Variants in FAT4 observed in about 807,000 individuals in gnomAD.
FAT4 encodes FAT atypical cadherin 4.
A neutral mutation model predicts 303.9 loss-of-function variants in FAT4; 84 were observed. The ratio of observed to expected loss-of-function variants is 0.28; its 90% CI spans 0.23 to 0.33. FAT4 has a LOEUF of 0.33. Ranked by LOEUF, FAT4 falls within the 10% of genes least tolerant of loss-of-function variation. The probability of loss-of-function intolerance (pLI) is 1.00; values close to 1 mark genes in which losing one functional copy is unlikely to be tolerated. For synonymous variants in FAT4, 2,307 were observed against 2,298.8 expected, an observed-to-expected ratio of 1.00 and a Z score of -0.10; for missense variants, 6,005 against 6,146.8, an observed-to-expected ratio of 0.98 and a Z score of 0.77.
At position 125,370,528 on chromosome 4, in the gene FAT4, T is replaced by C. The variant is rs775249999; in HGVS notation, c.5176-28256T>C. On this transcript the variant is annotated intron_variant, in intron 2 of 17. Transcript: ENST00000394329. ...AGGAAGCACATACATATTCAGCCAT[T>C]TGAAAACAGTGTGTCTTGATGAAAG... is the stretch of plus-strand genomic sequence containing the variant. Among the ~76,000 whole-genome samples, 6 of 152,180 alleles carry C rather than the reference T, an allele frequency of 3.9e-5. No individual in the cohort carries two copies. In the South Asian group the frequency reaches 6.2e-4, roughly 16 times the overall value.
In FAT4 at chr4:125,463,227, A is replaced by C. The variant is rs565967385; in HGVS notation, c.11801-336A>C. On this transcript the variant is annotated intron_variant, in intron 10 of 17. Coordinates refer to ENST00000394329, the MANE Select transcript of FAT4 (RefSeq NM_001291303.3). ...GTAAGTTTCAACTTTCTATCTATAA[A>C]ATATAAAAGATGAAGGGACATTGAC... Among the ~76,000 whole-genome samples the C allele has an allele frequency of 5.8e-4, 88 of 152,108 alleles. 1 individual carries two copies. Among genetic ancestry groups the C allele is most frequent in the Non-Finnish European group, 1.0e-3 (71 of 67,884 alleles).
At chr4:125,453,002 A>G (rs998897249) in intron 10 of FAT4, among the ~76,000 whole-genome samples, 192 bp downstream of exon 10, 3 of 152,202 alleles carry the variant, frequency 2.0e-5, no homozygotes, top group Admixed American at 2.0e-4. Flanking sequence ...ACTTCTTACA[A>G]GAAAACTTAT....
intron 2 of FAT4, among the ~76,000 whole-genome samples, chr4:125,367,623 G>T (rs1022766960): frequency 6.6e-6 from 1 of 152,092 alleles, no homozygotes; most frequent in Admixed American, 6.6e-5. Flanking sequence ...TCTGTAACTA[G>T]TTTTTTCAAC....
At chr4:125,375,863 T>C (rs1733294231) in intron 2 of FAT4, among the ~76,000 whole-genome samples, 1 of 152,240 alleles carries the variant, frequency 6.6e-6, no homozygotes, top group South Asian at 2.1e-4. Context: ...CCTATTCTTA[T>C]GATTACAATA....
chr4:125,491,808 T>C lies in FAT4; in HGVS notation c.*40T>C. ...CACTATAAAATATAAAAACAAGAAA[T>C]AATACTCAAACCATTGTAAAGTTGC... On this transcript the variant is annotated 3_prime_UTR_variant, in exon 18 of 18. Coordinates refer to ENST00000394329, the MANE Select transcript of FAT4 (RefSeq NM_001291303.3). The C allele has an allele frequency of 6.6e-7, 1 of 1,523,714 alleles. No individual in the cohort carries two copies. The highest frequency in any genetic ancestry group is 8.8e-7 in the Non-Finnish European group (1 of 1,136,650). The allele number at this position is 1,523,714 out of a possible 1,614,324, so 94.4% of individuals were successfully genotyped here.
chr4:125,321,576 A>G lies in FAT4; in HGVS notation c.5165A>G (p.Gln1722Arg). Residue 1722 changes from glutamine to arginine, a missense_variant, in exon 2 of 18, where the codon CAG becomes CGG. Coordinates refer to ENST00000394329, the MANE Select transcript of FAT4 (RefSeq NM_001291303.3). Reference protein sequence around the residue: ...IEKSTAFPRTQRAEVEITLQD... With the variant: ...IEKSTAFPRTRRAEVEITLQD... The stretch of plus-strand genomic sequence containing the variant: ...AAATCAACTGCTTTTCCCAGAACAC[A>G]GAGAGCAGAGGTAATGATTTTGTAG... 3 of 1,608,022 alleles carry G rather than the reference A, an allele frequency of 1.9e-6. No individual in the cohort carries two copies. In the South Asian group the frequency reaches 3.3e-5, roughly 18 times the overall value.
intron 5 of FAT4, among the ~76,000 whole-genome samples, chr4:125,414,361 A>T (rs1412743942): frequency 6.6e-6 from 1 of 152,158 alleles, no homozygotes; most frequent in African/African-American, 2.4e-5. Flanking sequence ...AGAAACTTTA[A>T]ATATGTTTAA....
intron 2 of FAT4, among the ~76,000 whole-genome samples, chr4:125,337,128 C>A (rs796294125): frequency 2.6e-5 from 4 of 151,994 alleles, no homozygotes; most frequent in African/African-American, 7.2e-5. Flanking sequence ...CTGCTAATTT[C>A]ACAGAAAGGA....
Position 125,318,074 on chromosome 4 carries a change from C to T in FAT4, c.1663C>T (p.Arg555Trp), listed in dbSNP as rs756991867. The stretch of plus-strand genomic sequence containing the variant: ...CCAGATTGTTCTGAATATAAGTGCC[C>T]GGGACCAGGGAGTTCACCCCAAGGT... The part of the protein sequence containing the change: ...ASQIVLNISA[R>W]DQGVHPKVSY... Residue 555 changes from arginine (R) to tryptophan (W), a missense_variant, in exon 2 of 18, where the codon CGG becomes TGG. By Grantham distance (101) the Arg-to-Trp change is moderately radical. Coordinates refer to ENST00000394329, the MANE Select transcript of FAT4 (RefSeq NM_001291303.3). 2.2e-5 allele frequency: 36 copies of T among 1,613,930 alleles called. No individual in the cohort carries two copies. Among genetic ancestry groups the T allele is most frequent in the Non-Finnish European group, 3.0e-5 (35 of 1,180,022 alleles).
chr4:125,403,849 T>G (rs1734485132), intron 3 of FAT4, among the ~76,000 whole-genome samples: 1 of 152,134 alleles, frequency 6.6e-6, no homozygotes, highest in Admixed American at 6.6e-5. Context: ...TATGGAAATG[T>G]TGAGCAAATG....
At chr4:125,412,243 A>T (rs1734877005) in intron 5 of FAT4, among the ~76,000 whole-genome samples, 1 of 151,780 alleles carries the variant, frequency 6.6e-6, no homozygotes. Context: ...GGCCAAAGTC[A>T]CTTTTTAGAC....
At chr4:125,399,405 A>G (rs1449666133) in intron 3 of FAT4, among the ~76,000 whole-genome samples, 6 of 151,890 alleles carry the variant, frequency 4.0e-5, no homozygotes, top group Admixed American at 3.3e-4. Flanking sequence ...ATACTTTGTG[A>G]TTTGTATTTT....
rs200532747 is a variant in FAT4 at position 125,449,460 on chromosome 4, G to T, written c.8450G>T (p.Ser2817Ile). ...AISRYSIMDA[S>I]LPFTINPSTG... ...AGTAGATATTCTATAATGGATGCAAGTCTTCCATTTACAATTAATCCCAGC... is the reference window on the plus strand; with the variant it reads ...AGTAGATATTCTATAATGGATGCAATTCTTCCATTTACAATTAATCCCAGC... Residue 2817 changes from serine to isoleucine, a missense_variant, in exon 10 of 18, where the codon AGT (serine) becomes ATT (isoleucine). By Grantham distance (142) the Ser-to-Ile change is moderately radical. Transcript: ENST00000394329. 2 of 1,613,774 alleles carry T rather than the reference G, an allele frequency of 1.2e-6. No individual in the cohort carries two copies. Among genetic ancestry groups the T allele is most frequent in the East Asian group, 2.2e-5 (1 of 44,856 alleles).
intron 2 of FAT4, among the ~76,000 whole-genome samples, chr4:125,323,288 A>G: frequency 6.6e-6 from 1 of 152,160 alleles, no homozygotes; most frequent in Non-Finnish European, 1.5e-5. Context: ...TGTCTTTTTT[A>G]TTTACCCATT....
At chr4:125,340,939 A>G (rs765032989) in intron 2 of FAT4, among the ~76,000 whole-genome samples, 2 of 152,244 alleles carry the variant, frequency 1.3e-5, no homozygotes, top group Non-Finnish European at 2.9e-5. Flanking sequence ...ACTATAACTT[A>G]AGTAAAAATG....
rs1329898831 is a variant in FAT4 at position 125,318,460 on chromosome 4, T to C, written c.2049T>C (p.Asn683=). The change falls in exon 2 of 18, where the codon AAT becomes AAC. Residue 683 remains asparagine (N), a synonymous_variant. Transcript: ENST00000394329. The stretch of plus-strand genomic sequence containing the variant: ...TAAATGTGAGTCTTCTGGATATAAA[T>C]GATAACAGCCCTGTCTTCTACCCGG... The part of the protein sequence containing the change: ...ARINVSLLDI[N]DNSPVFYPVQ... 6.2e-7 allele frequency: 1 copy of C among 1,614,166 alleles called. No individual in the cohort carries two copies. Among genetic ancestry groups the C allele is most frequent in the Non-Finnish European group, 8.5e-7 (1 of 1,180,042 alleles).
In FAT4 at chr4:125,318,953, C is replaced by G; in HGVS notation, c.2542C>G (p.Leu848Val). The G allele has an allele frequency of 2.5e-6, 4 of 1,614,144 alleles. No homozygotes were observed. Among genetic ancestry groups the G allele is most frequent in the Non-Finnish European group, 3.4e-6 (4 of 1,180,030 alleles). The change falls in exon 2 of 18, where the codon CTT becomes GTT. Residue 848 changes from leucine (L) to valine (V), a missense_variant. Coordinates refer to ENST00000394329, the MANE Select transcript of FAT4 (RefSeq NM_001291303.3). ...TGCTATCAACCAGGTCACTGGGCAG[C>G]TTACCACAGCAAATGTGATTGATAG... ...MFAINQVTGQ[L>V]TTANVIDREE...
At chr4:125,433,628 T>C (rs959423515) in intron 7 of FAT4, among the ~76,000 whole-genome samples, 3 of 152,224 alleles carry the variant, frequency 2.0e-5, no homozygotes, top group East Asian at 1.9e-4. Context: ...TCACGTTACA[T>C]TGAATTTTAA....
rs1478976073 is a variant in FAT4, at chr4:125,396,951, T to G, written c.5176-1833T>G. 4.6e-3 allele frequency among the ~76,000 whole-genome samples: 492 copies of G among 107,624 alleles called. 3 individuals are homozygous for G. Among genetic ancestry groups the G allele is most frequent in the African/African-American group, 0.016 (472 of 30,220 alleles). 70.6% of individuals were successfully genotyped at this position (107,624 alleles called of 152,430 possible). On this transcript the variant is annotated intron_variant, in intron 2 of 17. Coordinates refer to ENST00000394329, the MANE Select transcript of FAT4 (RefSeq NM_001291303.3). ...GTATATATATATATATATATATATA[T>G]ATATATATATATATAAAATATGTAT...
Sources: gnomAD v4.1 joint callset for allele counts (sites outside exome capture counted in the v4.1 genomes callset) on GRCh38, gnomAD v4.1.1 for gene constraint, MANE v1.5 for transcripts, NCBI Gene and HGNC (gene_info 2026-07-23, HGNC 2026-07-21) for gene names.